The following KIF11 variants were observed in gnomAD, a reference collection of about 807,000 sequenced individuals.
KIF11 encodes kinesin-like protein KIF11.
In KIF11, 9 loss-of-function variants were observed where a neutral mutation model predicts 121.0. That is an observed-to-expected ratio of 0.07 (90% confidence interval 0.04 to 0.13). KIF11 has a LOEUF of 0.13. Among genes scored for constraint, KIF11 ranks in the 10% least tolerant of loss-of-function variants. The pLI is 1.00. For missense variants in KIF11, 846 were observed against 1,217.5 expected (o/e 0.69, Z 4.54); for synonymous variants, 408 against 421.0 (o/e 0.97, Z 0.38).
In KIF11 at chr10:92,606,306, T is replaced by C; in HGVS notation, c.119T>C (p.Ile40Thr). The C allele has an allele frequency of 6.2e-7, 1 of 1,608,312 alleles. No homozygotes were observed. The highest frequency in any genetic ancestry group is 8.5e-7 in the Non-Finnish European group (1 of 1,178,656). ...LAERKASAHSIVECDPVRKEV... is the reference protein window; with the variant it reads ...LAERKASAHSTVECDPVRKEV... ...GAGCGGAAAGCTAGCGCCCATTCAA[T>C]AGTAGAATGTGATCCTGTACGAAAA... Residue 40 changes from isoleucine (I) to threonine (T), a missense_variant, in exon 2 of 22, where the codon ATA (isoleucine) becomes ACA (threonine). This residue lies in a region of KIF11 where 140 missense variants were observed against 193.5 expected (regional missense o/e 0.72). Transcript: ENST00000260731.
intron 1 of KIF11, among the ~76,000 whole-genome samples, chr10:92,604,070 G>C (rs1227456345): frequency 6.6e-6 from 1 of 152,030 alleles, no homozygotes; most frequent in African/African-American, 2.4e-5. Flanking sequence ...TCACCATTTT[G>C]ATTGTTTGAA....
rs187206420 is a variant in KIF11 at position 92,603,508 on chromosome 10, T to A, written c.78-2757T>A. 2.5e-3 allele frequency among the ~76,000 whole-genome samples: 381 copies of A among 152,046 alleles called. 2 individuals are homozygous for A. The highest frequency in any genetic ancestry group is 3.1e-3 in the Non-Finnish European group (209 of 67,954). On this transcript the variant is annotated intron_variant, in intron 1 of 21. Coordinates refer to ENST00000260731, the MANE Select transcript of KIF11 (RefSeq NM_004523.4). ...CCTCCATCTCCCAGGTTCAAGTGAT[T>A]TCTGGCTAATTTTTGTATTTTTAGT...
chr10:92,609,311 T>C, intron 5 of KIF11, 74 bp from the exon 6 acceptor site: 1 of 1,055,404 alleles, frequency 9.5e-7, no homozygotes, highest in East Asian at 2.8e-5. Flanking sequence ...AGAGTGTGTG[T>C]GTGTGTGTGT....
intron 1 of KIF11, among the ~76,000 whole-genome samples, chr10:92,603,688 A>G (rs987740077): frequency 1.3e-5 from 2 of 151,618 alleles, no homozygotes; most frequent in African/African-American, 2.4e-5. Context: ...GGTTTTTACT[A>G]TGTTGGCCAG....
chr10:92,634,018 C>T (rs966781055), intron 14 of KIF11, among the ~76,000 whole-genome samples: 7 of 152,202 alleles, frequency 4.6e-5, no homozygotes, highest in African/African-American at 1.7e-4. Flanking sequence ...GATGGAGTCT[C>T]GCTCTGTCGT....
chr10:92,637,056 A>AT, intron 14 of KIF11, 128 bp from the exon 15 acceptor site: 1 of 690,000 alleles, frequency 1.4e-6, no homozygotes, highest in South Asian at 2.2e-5. Context: ...AAAAAAAAGA[A>AT]TGGAGAATGG....
intron 1 of KIF11, among the ~76,000 whole-genome samples, chr10:92,593,660 A>T (rs1006621773): frequency 2.0e-5 from 3 of 152,234 alleles, no homozygotes; most frequent in Admixed American, 2.0e-4. Flanking sequence ...TCACTGTTCC[A>T]TACTGAAAAG....
intron 1 of KIF11, among the ~76,000 whole-genome samples, chr10:92,601,739 G>A (rs796402367): frequency 1.5e-4 from 22 of 149,142 alleles, no homozygotes; most frequent in African/African-American, 5.2e-4. Flanking sequence ...ATGGGGTCTC[G>A]CTATGTTTCC....
chr10:92,632,427 T>G (rs1388092793), intron 12 of KIF11, 59 bp from the exon 13 acceptor site: 1 of 1,104,778 alleles, frequency 9.1e-7, no homozygotes, highest in Non-Finnish European at 1.4e-6. Flanking sequence ...GTGTAGATAC[T>G]TTCATCAGAT....
Position 92,653,699 on chromosome 10 carries a change from G to A in KIF11, c.3074G>A (p.Arg1025Lys), listed in dbSNP as rs755636204. The change falls in exon 22 of 22, where the codon AGA (arginine) becomes AAA (lysine). Residue 1025 changes from arginine to lysine, a missense_variant. Physicochemically the swap from Arg to Lys is conservative, Grantham distance 26. Coordinates refer to ENST00000260731, the MANE Select transcript of KIF11 (RefSeq NM_004523.4). ...KKSHGKDKEN[R>K]GINTLERSKV... ...TCACATGGAAAAGACAAAGAAAACA[G>A]AGGCATTAACACACTGGAGAGGTCT... The A allele has an allele frequency of 7.4e-6, 12 of 1,612,750 alleles. No individual in the cohort carries two copies. Among genetic ancestry groups the A allele is most frequent in the Non-Finnish European group, 1.0e-5 (12 of 1,179,226 alleles).
At chr10:92,593,794 C>G (rs1353245257) in intron 1 of KIF11, among the ~76,000 whole-genome samples, 2 of 152,128 alleles carry the variant, frequency 1.3e-5, no homozygotes, top group African/African-American at 4.8e-5. Flanking sequence ...TAAGCACTTA[C>G]GTTGGTATTA....
chr10:92,594,635 C>T (rs1700771191), intron 1 of KIF11, among the ~76,000 whole-genome samples: 1 of 152,092 alleles, frequency 6.6e-6, no homozygotes, highest in South Asian at 2.1e-4. Context: ...TTATTAAGAA[C>T]AATGTAATAA....
rs1273250969 is a variant in KIF11, at chr10:92,645,363, G to C, written c.2268G>C (p.Gln756His). ...PLSSVQENIQ[Q>H]KSKDIVNKMT... Reference sequence around the variant, plus strand: ...ACAGTGTCATTCTCTTTTCCTATAGGAAATCTAAGGATATAGTCAACAAAA... The same window carrying C: ...ACAGTGTCATTCTCTTTTCCTATAGCAAATCTAAGGATATAGTCAACAAAA... Residue 756 changes from glutamine to histidine, a missense_variant and splice_region_variant, in exon 18 of 22, where the codon CAG becomes CAC. Gln to His is a conservative substitution (Grantham distance 24). This residue lies in a region of KIF11 where 492 missense variants were observed against 603.4 expected (regional missense o/e 0.82). Transcript: ENST00000260731. 3.1e-6 allele frequency: 5 copies of C among 1,596,852 alleles called. No individual in the cohort carries two copies. Among genetic ancestry groups the C allele is most frequent in the African/African-American group, 1.3e-5 (1 of 74,228 alleles).
chr10:92,634,490 T>A (rs937255732), intron 14 of KIF11, among the ~76,000 whole-genome samples: 1 of 146,436 alleles, frequency 6.8e-6, no homozygotes, highest in Non-Finnish European at 1.5e-5. Context: ...GTCAGGCTGG[T>A]CTCAAGCTCC....
In KIF11 at chr10:92,599,014, G is replaced by T. The variant is rs375006924; in HGVS notation, c.77+5562G>T. Among the ~76,000 whole-genome samples the T allele has an allele frequency of 2.0e-5, 3 of 152,108 alleles. No individual in the cohort carries two copies. In the East Asian group the frequency reaches 5.8e-4, roughly 29 times the overall value. On this transcript the variant is annotated intron_variant, in intron 1 of 21. Coordinates refer to ENST00000260731, the MANE Select transcript of KIF11 (RefSeq NM_004523.4). ...GCTGGTCACGAACTCTTGACCTCAG[G>T]TGATCCACCCACCTTGGCCTCCCAA...
rs1372794402 is a variant in KIF11 at position 92,609,303 on chromosome 10, A to AGAGT, written c.574-81_574-80insAGTG. ...GAGAGAGAGAGAGAGAGAGAGAGAG[A>AGAGT]GTGTGTGTGTGTGTGTGTGTGTGTG... is the stretch of plus-strand genomic sequence containing the variant. On this transcript the variant is annotated intron_variant, in intron 5 of 21. Transcript: ENST00000260731. 2.0e-3 allele frequency: 779 copies of AGAGT among 381,496 alleles called. 1 individual carries two copies. The highest frequency in any genetic ancestry group is 2.1e-3 in the Admixed American group (27 of 13,144). 23.6% of individuals were successfully genotyped at this position (381,496 alleles called of 1,614,324 possible).
intron 6 of KIF11, among the ~76,000 whole-genome samples, chr10:92,610,183 T>C (rs1268787077): frequency 3.3e-5 from 5 of 152,196 alleles, no homozygotes; most frequent in African/African-American, 1.2e-4. Context: ...CCTGAGGCAC[T>C]TTTGTGGAGC....
rs901066679 is a variant in KIF11, at chr10:92,654,143, C to G, written c.*347C>G. 5.9e-6 allele frequency: 1 copy of G among 170,370 alleles called. No homozygotes were observed. Among genetic ancestry groups the G allele is most frequent in the Non-Finnish European group, 1.3e-5 (1 of 78,588 alleles). 10.6% of individuals were successfully genotyped at this position (170,370 alleles called of 1,614,324 possible). On this transcript the variant is annotated 3_prime_UTR_variant, in exon 22 of 22. Transcript: ENST00000260731. The stretch of plus-strand genomic sequence containing the variant: ...TGAGCCAAAGGTACACCACTACACT[C>G]CAGCCTGGGCAACAGAGCAAGACTC...
intron 1 of KIF11, among the ~76,000 whole-genome samples, chr10:92,605,747 A>C (rs2135900221): frequency 6.6e-6 from 1 of 152,258 alleles, no homozygotes; most frequent in East Asian, 1.9e-4. Context: ...CGGCCTCCCA[A>C]AGTGCTGGGA....
Sources: gnomAD v4.1 joint callset for allele counts (sites outside exome capture counted in the v4.1 genomes callset) on GRCh38, gnomAD v4.1.1 for gene constraint, gnomAD v4.1.1 regional missense constraint, MANE v1.5 for transcripts, NCBI Gene and HGNC (gene_info 2026-07-23, HGNC 2026-07-21) for gene names.